The following RPRD1A variants were observed in gnomAD, a reference collection of about 807,000 sequenced individuals.
RPRD1A encodes regulation of nuclear pre-mRNA domain-containing protein 1A.
Under a neutral mutation model 37.8 loss-of-function variants are expected in RPRD1A, and 9 were observed. The observed-to-expected ratio is 0.24, with a 90% CI of 0.14 to 0.42. RPRD1A has a LOEUF of 0.42. Among genes scored for constraint, RPRD1A ranks in the 10% least tolerant of loss-of-function variants. The pLI, the probability that RPRD1A is intolerant of heterozygous loss-of-function variation, is 1.00. For missense variants in RPRD1A, 255 were observed against 371.0 expected, an observed-to-expected ratio of 0.69 and a Z score of 2.57; for synonymous variants, 138 against 139.7, an observed-to-expected ratio of 0.99 and a Z score of 0.08.
At position 35,993,119 on chromosome 18, in the gene RPRD1A, A is replaced by G. The variant is rs1908807229; in HGVS notation, c.*32T>C. On this transcript the variant is annotated 3_prime_UTR_variant, in exon 7 of 7. Coordinates refer to ENST00000399022, the MANE Select transcript of RPRD1A (RefSeq NM_018170.5). ...CACCTAACCTGTCTCCATCTCTTGC[A>G]AAGTCCTGGGACCTGGAAAGAGGCT... The G allele has an allele frequency of 1.3e-6, 2 of 1,593,578 alleles. No individual in the cohort carries two copies. The highest frequency in any genetic ancestry group is 1.9e-4 in the Middle Eastern group (1 of 5,342).
rs376304657 is a variant in RPRD1A, at chr18:36,066,626, C to A, written c.151+628G>T. Among the ~76,000 whole-genome samples the A allele has an allele frequency of 1.5e-4, 23 of 152,306 alleles. No homozygotes were observed. The South Asian group carries it at 4.3e-3, about 29-fold the overall frequency. ...AATGTTTTGCAAAACAAAGACACTG[C>A]ATTAGGGCATATAATCATAGAATAG... On this transcript the variant is annotated intron_variant, in intron 1 of 6. Coordinates refer to ENST00000399022, the MANE Select transcript of RPRD1A (RefSeq NM_018170.5).
At position 36,067,532 on chromosome 18, in the gene RPRD1A, T is replaced by A; in HGVS notation, c.-128A>T. On this transcript the variant is annotated 5_prime_UTR_variant, in exon 1 of 7. It removes an upstream start codon present in the reference 5' UTR. Transcript: ENST00000399022. ...CGCTCTCACCACGGCCGCCGCTTCA[T>A]CCAAGACCGGCCGCAAACCAGCAAG... The A allele has an allele frequency of 1.0e-6, 1 of 960,678 alleles. No homozygotes were observed. The allele number at this position is 960,678 out of a possible 1,614,324, so 59.5% of individuals were successfully genotyped here. A position where few individuals can be genotyped will look rare whatever the true frequency, so the allele number is the denominator to read the frequency against.
intron 6 of RPRD1A, among the ~76,000 whole-genome samples, chr18:36,009,589 T>G (rs1416527825): frequency 6.6e-6 from 1 of 152,244 alleles, no homozygotes; most frequent in East Asian, 1.9e-4. Context: ...GCATTTCTTC[T>G]CTTATTAGGG....
chr18:35,996,467 T>C (rs534969951), intron 6 of RPRD1A, among the ~76,000 whole-genome samples: 1 of 152,284 alleles, frequency 6.6e-6, no homozygotes, highest in East Asian at 1.9e-4. Flanking sequence ...TTTCAACTTT[T>C]ACTAAAAAGT....
chr18:36,022,215 T>C (rs1404851138), intron 6 of RPRD1A, among the ~76,000 whole-genome samples: 1 of 152,224 alleles, frequency 6.6e-6, no homozygotes, highest in Non-Finnish European at 1.5e-5. Flanking sequence ...AGTTTGAAAG[T>C]AGCAGAGGTT....
At chr18:36,034,033 A>G (rs1480417834) in intron 1 of RPRD1A, among the ~76,000 whole-genome samples, 196 bp from the exon 2 acceptor site, 1 of 152,134 alleles carries the variant, frequency 6.6e-6, no homozygotes, top group Non-Finnish European at 1.5e-5. Context: ...ATGTCTATGT[A>G]AAAATGCATC....
At chr18:36,014,364 A>T (rs1298618201) in intron 6 of RPRD1A, among the ~76,000 whole-genome samples, 1 of 152,194 alleles carries the variant, frequency 6.6e-6, no homozygotes, top group African/African-American at 2.4e-5. Flanking sequence ...ATGGTCTCCA[A>T]ATTCTTTCTA....
At chr18:36,055,051 T>C (rs1335418119) in intron 1 of RPRD1A, among the ~76,000 whole-genome samples, 1 of 152,136 alleles carries the variant, frequency 6.6e-6, no homozygotes, top group Non-Finnish European at 1.5e-5. Flanking sequence ...CACACACATA[T>C]CCAGAAATGG....
intron 6 of RPRD1A, among the ~76,000 whole-genome samples, chr18:36,021,769 CAGG>C (rs1192990978): frequency 6.6e-6 from 1 of 152,104 alleles, no homozygotes; most frequent in Non-Finnish European, 1.5e-5. Flanking sequence ...GAGGCTGAGG[CAGG>C]AGGACTGTTT....
intron 6 of RPRD1A, among the ~76,000 whole-genome samples, chr18:36,021,743 A>C (rs1010914598): frequency 4.6e-5 from 7 of 152,210 alleles, no homozygotes; most frequent in Non-Finnish European, 1.0e-4. Flanking sequence ...TCATGCCTGT[A>C]ATCTTAGCAC....
chr18:36,005,848 G>GT lies in RPRD1A; in HGVS notation c.790-12549dup, dbSNP rs532657503. ...GTACACACAGCATGGCTACACCTGT[G>GT]TTTTTTTCTTTTTTTTACAACTATG... On this transcript the variant is annotated intron_variant, in intron 6 of 6. Transcript: ENST00000399022. Among the ~76,000 whole-genome samples the GT allele has an allele frequency of 2.5e-3, 374 of 151,978 alleles. 2 individuals carry two copies. The highest frequency in any genetic ancestry group is 4.0e-3 in the Non-Finnish European group (273 of 67,918).
intron 1 of RPRD1A, among the ~76,000 whole-genome samples, chr18:36,049,137 G>A (rs1913185010): frequency 6.6e-6 from 1 of 152,072 alleles, no homozygotes; most frequent in Admixed American, 6.6e-5. Flanking sequence ...CCTGACCTCA[G>A]GTGATCCACC....
chr18:36,056,334 C>A (rs1202233990), intron 1 of RPRD1A, among the ~76,000 whole-genome samples: 1 of 151,740 alleles, frequency 6.6e-6, no homozygotes, highest in Non-Finnish European at 1.5e-5. Context: ...GTCTCCCAGG[C>A]TAGAATGCAG....
intron 4 of RPRD1A, chr18:36,027,550 G>A (rs1784178637): frequency 2.6e-6 from 1 of 389,290 alleles, no homozygotes; most frequent in Middle Eastern, 7.4e-4. Flanking sequence ...TACTCCAGTG[G>A]TGGAGACAGA....
chr18:36,047,039 G>C (rs1913008606), intron 1 of RPRD1A, among the ~76,000 whole-genome samples: 1 of 151,826 alleles, frequency 6.6e-6, no homozygotes, highest in Non-Finnish European at 1.5e-5. Flanking sequence ...AACATAGTGA[G>C]ACCCCATCTC....
rs568440808 is a variant in RPRD1A at position 36,033,291 on chromosome 18, C to T, written c.281+417G>A. ...TACTCCAGCCTGGGTGAGAGTGAGA[C>T]TCTGTCTCAAAAAAAAAAAAAAAAA... is the stretch of plus-strand genomic sequence containing the variant. On this transcript the variant is annotated intron_variant, in intron 2 of 6. Transcript: ENST00000399022. Among the ~76,000 whole-genome samples, 8 of 89,616 alleles carry T rather than the reference C, an allele frequency of 8.9e-5. No individual in the cohort carries two copies. The East Asian group carries it at 2.8e-3, about 31-fold the overall frequency. The allele number at this position is 89,616 out of a possible 152,430, so 58.8% of individuals were successfully genotyped here. A position where few individuals can be genotyped will look rare whatever the true frequency, so the allele number is the denominator to read the frequency against.
intron 1 of RPRD1A, among the ~76,000 whole-genome samples, chr18:36,044,530 A>C (rs1912815522): frequency 6.6e-6 from 1 of 152,064 alleles, no homozygotes; most frequent in African/African-American, 2.4e-5. Flanking sequence ...TCTACTAAAA[A>C]TACAAAAATT....
intron 2 of RPRD1A, among the ~76,000 whole-genome samples, chr18:36,033,355 A>AATATT (rs1028833934): frequency 6.6e-6 from 1 of 151,484 alleles, no homozygotes; most frequent in Non-Finnish European, 1.5e-5. Context: ...TGTATATGGA[A>AATATT]ATATTTGTTA....
intron 1 of RPRD1A, among the ~76,000 whole-genome samples, chr18:36,045,343 G>A (rs1912878114): frequency 6.6e-6 from 1 of 152,170 alleles, no homozygotes; most frequent in Non-Finnish European, 1.5e-5. Context: ...CTGTATTTCA[G>A]AATAACCAAA....
Sources: allele counts gnomAD v4.1 joint callset (sites outside exome capture counted in the v4.1 genomes callset), GRCh38; gene constraint gnomAD v4.1.1; transcripts MANE v1.5; gene names NCBI Gene and HGNC (gene_info 2026-07-23, HGNC 2026-07-21).